The following GRIP1 variants were observed in gnomAD, a reference collection of about 807,000 sequenced individuals.
The protein encoded by GRIP1 is glutamate receptor interacting protein 1.
Under a neutral mutation model 129.9 loss-of-function variants are expected in GRIP1, and 45 were observed. The observed-to-expected ratio is 0.35, with a 90% confidence interval of 0.27 to 0.44. The LOEUF (loss-of-function observed/expected upper bound fraction) is 0.44. Ranked by LOEUF, GRIP1 falls within the 20% of genes least tolerant of loss-of-function variation. The pLI is 1.00. For missense variants in GRIP1, 1,196 were observed against 1,396.8 expected, an observed-to-expected ratio of 0.86 and a Z score of 2.29; for synonymous variants, 530 against 520.8, an observed-to-expected ratio of 1.02 and a Z score of -0.24.
intron 1 of GRIP1, among the ~76,000 whole-genome samples, chr12:66,757,091 T>C (rs2037314996): frequency 6.6e-6 from 1 of 152,244 alleles, no homozygotes. Context: ...CATTTCTTTA[T>C]GTTACAAATG....
intron 1 of GRIP1, among the ~76,000 whole-genome samples, chr12:67,027,286 C>A (rs559456724): frequency 6.6e-6 from 1 of 152,220 alleles, no homozygotes; most frequent in Non-Finnish European, 1.5e-5. Flanking sequence ...GGCACCCACA[C>A]TGAGAGCAAC....
At chr12:66,418,144 G>C (rs1227769294) in intron 15 of GRIP1, among the ~76,000 whole-genome samples, 1 of 152,094 alleles carries the variant, frequency 6.6e-6, no homozygotes, top group Non-Finnish European at 1.5e-5. Context: ...CATGCCTACA[G>C]TGAACTCATT....
chr12:67,021,410 A>G (rs1719171217), intron 1 of GRIP1, among the ~76,000 whole-genome samples: 1 of 152,204 alleles, frequency 6.6e-6, no homozygotes. Flanking sequence ...TTAATTCAGC[A>G]TAATTATTTT....
chr12:66,420,243 G>A (rs7397823), intron 15 of GRIP1, among the ~76,000 whole-genome samples: 1 of 151,898 alleles, frequency 6.6e-6, no homozygotes, highest in Non-Finnish European at 1.5e-5. Context: ...TTTATGAAAT[G>A]AAAAATTTGA....
chr12:67,014,987 GAAAT>G (rs1450874355), intron 1 of GRIP1, among the ~76,000 whole-genome samples: 1 of 152,030 alleles, frequency 6.6e-6, no homozygotes, highest in African/African-American at 2.4e-5. Context: ...AATAAGTGAA[GAAAT>G]AAATAAATGG....
chr12:66,466,774 T>C lies in GRIP1; in HGVS notation c.725-1352A>G, dbSNP rs200143334. 2.0e-3 allele frequency among the ~76,000 whole-genome samples: 312 copies of C among 152,320 alleles called. 2 individuals are homozygous for C. Among genetic ancestry groups the C allele is most frequent in the African/African-American group, 7.2e-3 (300 of 41,568 alleles). On this transcript the variant is annotated intron_variant, in intron 7 of 24. Transcript: ENST00000359742. ...AGTCATGTCATTTTTCAAGACTGCA[T>C]ATTGGTCTGTAATCTTTTTCTAATT... is the stretch of plus-strand genomic sequence containing the variant.
rs139886965 is a variant in GRIP1, at chr12:66,355,285, G to C, written c.3013-1722C>G. 3.0e-3 allele frequency among the ~76,000 whole-genome samples: 458 copies of C among 152,030 alleles called. 2 individuals carry two copies. Among genetic ancestry groups the C allele is most frequent in the African/African-American group, 0.01 (435 of 41,500 alleles). On this transcript the variant is annotated intron_variant, in intron 23 of 24. Coordinates refer to ENST00000359742, the MANE Select transcript of GRIP1 (RefSeq NM_001366722.1). Reference sequence around the variant, plus strand: ...CGTCAGGGACTGTTTTAGGGACTGAGGATATTTTTCACAGGATAGAGTGAT... The same window carrying C: ...CGTCAGGGACTGTTTTAGGGACTGACGATATTTTTCACAGGATAGAGTGAT...
At chr12:66,515,881 A>C in intron 6 of GRIP1, 117 bp from the exon 7 acceptor site, 1 of 806,916 alleles carries the variant, frequency 1.2e-6, no homozygotes, top group South Asian at 1.4e-5. Flanking sequence ...TCTCATTTGC[A>C]TTCTTTTTAA....
At chr12:66,388,230 T>A (rs1164956435) in intron 19 of GRIP1, among the ~76,000 whole-genome samples, 1 of 152,184 alleles carries the variant, frequency 6.6e-6, no homozygotes, top group South Asian at 2.1e-4. Context: ...AACAATATTA[T>A]GGATATAATT....
At chr12:66,564,489 G>T (rs891261569) in intron 2 of GRIP1, among the ~76,000 whole-genome samples, 1 of 152,170 alleles carries the variant, frequency 6.6e-6, no homozygotes, top group East Asian at 1.9e-4. Flanking sequence ...GTATTCCATG[G>T]TATATATGTG....
intron 1 of GRIP1, among the ~76,000 whole-genome samples, chr12:66,828,695 A>T (rs1404426431): frequency 6.6e-6 from 1 of 152,118 alleles, no homozygotes; most frequent in Non-Finnish European, 1.5e-5. Context: ...CTTCCCTTCA[A>T]AATTCAGCTC....
At chr12:66,635,698 G>A (rs973465834) in intron 1 of GRIP1, among the ~76,000 whole-genome samples, 9 of 151,936 alleles carry the variant, frequency 5.9e-5, no homozygotes, top group African/African-American at 1.9e-4. Context: ...AGAAACAAAG[G>A]ATTAGTATCC....
chr12:66,636,703 G>A (rs1161967880), intron 1 of GRIP1, among the ~76,000 whole-genome samples: 1 of 145,546 alleles, frequency 6.9e-6, no homozygotes, highest in Admixed American at 6.8e-5. Flanking sequence ...AACAGGGGGA[G>A]ACATTAGATC....
intron 1 of GRIP1, among the ~76,000 whole-genome samples, chr12:66,785,066 T>C (rs1195806281): frequency 6.6e-6 from 1 of 151,984 alleles, no homozygotes; most frequent in Non-Finnish European, 1.5e-5. Context: ...TGACTTGTAC[T>C]GAATAATATT....
chr12:66,847,251 G>A (rs61135888), intron 1 of GRIP1, among the ~76,000 whole-genome samples: 8,097 of 152,100 alleles, frequency 0.053, 295 homozygotes, highest in African/African-American at 0.1. Context: ...ATCCTTTAGG[G>A]GTTTCCTGTT....
intron 1 of GRIP1, among the ~76,000 whole-genome samples, chr12:66,918,468 T>C (rs889056690): frequency 5.9e-5 from 9 of 152,166 alleles, no homozygotes; most frequent in Non-Finnish European, 1.2e-4. Context: ...ACCAGATATC[T>C]CAGCACCCTG....
chr12:66,489,108 C>T (rs12366588), intron 7 of GRIP1, among the ~76,000 whole-genome samples: 20,589 of 152,180 alleles, frequency 0.14, 1,543 homozygotes, highest in Non-Finnish European at 0.18. Context: ...GGGCTCCTTC[C>T]TAACTCATTC....
rs535814886 is a variant in GRIP1, at chr12:66,629,566, G to A, written c.56-32639C>T. ...CTTTAACTCAAGTGAACATTCAAAT[G>A]TAATTTTTCCACAGAAGTCAATTTC... On this transcript the variant is annotated intron_variant, in intron 1 of 24. Transcript: ENST00000359742. Among the ~76,000 whole-genome samples the A allele has an allele frequency of 1.2e-3, 182 of 152,302 alleles. 1 individual carries two copies. The South Asian group carries it at 0.036, about 30-fold the overall frequency.
chr12:66,840,154 G>T (rs530136949), intron 1 of GRIP1, among the ~76,000 whole-genome samples: 1 of 152,150 alleles, frequency 6.6e-6, no homozygotes, highest in South Asian at 2.1e-4. Flanking sequence ...AAGATAAAAT[G>T]TCCCATCAAC....
Sources: gnomAD v4.1 joint callset for allele counts (sites outside exome capture counted in the v4.1 genomes callset) on GRCh38, gnomAD v4.1.1 for gene constraint, MANE v1.5 for transcripts, NCBI Gene and HGNC (gene_info 2026-07-23, HGNC 2026-07-21) for gene names.